The following DCLK1 variants were observed in gnomAD, a reference collection of about 807,000 sequenced individuals.
The protein encoded by DCLK1 is serine/threonine-protein kinase DCLK1.
A neutral mutation model predicts 86.2 loss-of-function variants in DCLK1; 16 were observed. The ratio of observed to expected loss-of-function variants is 0.19; its 90% CI spans 0.13 to 0.28. The LOEUF (loss-of-function observed/expected upper bound fraction) is 0.28. DCLK1 is among the 10% of genes least tolerant of loss of function. The pLI, the probability that DCLK1 is intolerant of heterozygous loss-of-function variation, is 1.00. For missense variants in DCLK1, 590 were observed against 940.2 expected (o/e 0.63, Z 4.87); for synonymous variants, 369 against 370.5 (o/e 1.00, Z 0.05).
At chr13:35,783,877 C>T (rs574547614) in intron 16 of DCLK1, among the ~76,000 whole-genome samples, 10 of 152,304 alleles carry the variant, frequency 6.6e-5, no homozygotes, top group South Asian at 2.1e-4. Context: ...TGAGCCACCG[C>T]GCCCAGCCTC....
At chr13:35,843,164 C>T (rs1324882415) in intron 6 of DCLK1, among the ~76,000 whole-genome samples, 2 of 152,064 alleles carry the variant, frequency 1.3e-5, no homozygotes, top group Non-Finnish European at 2.9e-5. Context: ...TTTTATAGTC[C>T]ACATGCCAAC....
intron 3 of DCLK1, among the ~76,000 whole-genome samples, chr13:35,990,554 G>A (rs1482484848): frequency 6.6e-6 from 1 of 152,098 alleles, no homozygotes; most frequent in Non-Finnish European, 1.5e-5. Context: ...TTGCTCTGCA[G>A]TAGAGACAGT....
intron 16 of DCLK1, among the ~76,000 whole-genome samples, chr13:35,789,405 T>A (rs969499863): frequency 6.6e-6 from 1 of 152,210 alleles, no homozygotes; most frequent in African/African-American, 2.4e-5. Context: ...TTTAAAAATG[T>A]GTGTTTCATT....
In DCLK1 at chr13:35,999,344, A is replaced by G. The variant is rs1880612197; in HGVS notation, c.724-51887T>C. On this transcript the variant is annotated intron_variant, in intron 3 of 16. Coordinates refer to ENST00000360631, the MANE Select transcript of DCLK1 (RefSeq NM_001330071.2). ...AATGGATATGACATTCACTCAGCAC[A>G]GCTGCCAGCCTGCCTGTTCCAGAGC... 2.0e-5 allele frequency among the ~76,000 whole-genome samples: 3 copies of G among 152,164 alleles called. No homozygotes were observed. In the South Asian group the frequency reaches 6.2e-4, roughly 32 times the overall value.
At chr13:35,792,222 C>T (rs1043918665) in intron 16 of DCLK1, among the ~76,000 whole-genome samples, 10 of 152,112 alleles carry the variant, frequency 6.6e-5, no homozygotes, top group Admixed American at 1.3e-4. Flanking sequence ...TGAAAGGGTT[C>T]AATCGAGAAA....
At chr13:35,812,750 G>C (rs568432534) in intron 11 of DCLK1, among the ~76,000 whole-genome samples, 1 of 152,230 alleles carries the variant, frequency 6.6e-6, no homozygotes, top group South Asian at 2.1e-4. Context: ...CTGTTGATCA[G>C]GATCAAGTTT....
chr13:35,825,212 C>G (rs887859028), intron 10 of DCLK1, among the ~76,000 whole-genome samples: 19 of 152,088 alleles, frequency 1.2e-4, no homozygotes, highest in African/African-American at 4.6e-4. Context: ...AGAAGCATAC[C>G]CCACCCACAT....
intron 3 of DCLK1, among the ~76,000 whole-genome samples, chr13:36,056,471 A>T (rs1476555819): frequency 1.8e-4 from 15 of 84,504 alleles, no homozygotes; most frequent in Non-Finnish European, 2.9e-4. Flanking sequence ...TGTGGTGGGG[A>T]GGGGGGAGGG....
At chr13:35,869,365 C>G (rs924978387) in intron 5 of DCLK1, among the ~76,000 whole-genome samples, 3 of 152,212 alleles carry the variant, frequency 2.0e-5, no homozygotes, top group African/African-American at 7.2e-5. Flanking sequence ...GTGACTGACT[C>G]TCTGAGGCCA....
intron 16 of DCLK1, among the ~76,000 whole-genome samples, chr13:35,783,856 G>C (rs760469614): frequency 6.6e-6 from 1 of 152,146 alleles, no homozygotes; most frequent in East Asian, 1.9e-4. Context: ...AAAGTGTTGG[G>C]ATTACAGGTG....
At chr13:35,955,986 G>A (rs1877956930) in intron 3 of DCLK1, among the ~76,000 whole-genome samples, 1 of 152,134 alleles carries the variant, frequency 6.6e-6, no homozygotes, top group Non-Finnish European at 1.5e-5. Context: ...TTCCAATCCT[G>A]GTCTTTTGCC....
At chr13:35,805,312 T>A (rs1391370627) in intron 15 of DCLK1, 1 of 178,106 alleles carries the variant, frequency 5.6e-6, no homozygotes, top group Non-Finnish European at 1.2e-5. Context: ...TTTCTTTTTT[T>A]TTTAGATGAT....
rs1259746317 is a variant in DCLK1, at chr13:35,771,730, T to C, written c.*2805A>G. The C allele has an allele frequency of 6.6e-6, 1 of 152,150 alleles. No homozygotes were observed. The highest frequency in any genetic ancestry group is 6.5e-5 in the Admixed American group (1 of 15,272). The allele number at this position is 152,150 out of a possible 1,614,324, so 9.4% of individuals were successfully genotyped here. A position where few individuals can be genotyped will look rare whatever the true frequency, so the allele number is the denominator to read the frequency against. ...CCAGGCCACCACCATAAGAGAGCTA[T>C]ATTAAATACTTGGGAAAAAATATGG... On this transcript the variant is annotated 3_prime_UTR_variant, in exon 17 of 17. Transcript: ENST00000360631.
chr13:35,974,063 T>C (rs1268843843), intron 3 of DCLK1, among the ~76,000 whole-genome samples: 1 of 152,028 alleles, frequency 6.6e-6, no homozygotes, highest in Admixed American at 6.6e-5. Flanking sequence ...AATAGACATA[T>C]AAAAATAGAA....
chr13:35,914,340 TATA>T, intron 4 of DCLK1, among the ~76,000 whole-genome samples: 1 of 26,696 alleles, frequency 3.7e-5, no homozygotes, highest in African/African-American at 1.2e-4. Context: ...AAAATATATA[TATA>T]TATATACATA....
intron 3 of DCLK1, among the ~76,000 whole-genome samples, chr13:36,026,997 C>A (rs1385992415): frequency 6.6e-6 from 1 of 152,086 alleles, no homozygotes; most frequent in Non-Finnish European, 1.5e-5. Context: ...TATTAAAATT[C>A]TTTTATTGAT....
chr13:36,050,044 A>G (rs560004552), intron 3 of DCLK1, among the ~76,000 whole-genome samples: 1 of 152,290 alleles, frequency 6.6e-6, no homozygotes, highest in South Asian at 2.1e-4. Flanking sequence ...CTGGCTCAGA[A>G]AATTCTGGAA....
intron 2 of DCLK1, among the ~76,000 whole-genome samples, chr13:36,113,143 A>G (rs1389525484): frequency 2.0e-5 from 3 of 152,230 alleles, no homozygotes; most frequent in African/African-American, 7.2e-5. Flanking sequence ...AAAGACCTTC[A>G]TAATTGTAGG....
intron 3 of DCLK1, among the ~76,000 whole-genome samples, chr13:35,965,069 C>T (rs1367674387): frequency 3.9e-5 from 6 of 152,152 alleles, no homozygotes; most frequent in African/African-American, 1.2e-4. Context: ...ATGAAATCTG[C>T]AAGTTCCTTT....
Sources: gnomAD v4.1 joint callset for allele counts (sites outside exome capture counted in the v4.1 genomes callset) on GRCh38, gnomAD v4.1.1 for gene constraint, MANE v1.5 for transcripts, NCBI Gene and HGNC (gene_info 2026-07-23, HGNC 2026-07-21) for gene names.